MEI4: variants seen among roughly 807,000 people sequenced by gnomAD.
The protein encoded by MEI4 is meiosis-specific protein MEI4.
In MEI4, 27 loss-of-function variants were observed where a neutral mutation model predicts 31.4. The observed-to-expected ratio is 0.86, with a 90% confidence interval of 0.63 to 1.19. MEI4 has a LOEUF of 1.19. Ranked by LOEUF, MEI4 falls within the 50% of genes most tolerant of loss-of-function variation. MEI4 has a pLI of 0.00. For synonymous variants in MEI4, 122 were observed against 145.4 expected (o/e 0.84, Z 1.16); for missense variants, 329 against 398.9 (o/e 0.82, Z 1.49).
intron 2 of MEI4, among the ~76,000 whole-genome samples, chr6:77,732,503 G>C (rs1487945204): frequency 3.3e-5 from 5 of 151,710 alleles, no homozygotes; most frequent in African/African-American, 1.2e-4. Flanking sequence ...TGCTGAAGTT[G>C]CTTATCAGCT....
rs1265986376 is a variant in MEI4, at chr6:77,883,716, A to G, written c.901-39373A>G. On this transcript the variant is annotated intron_variant, in intron 4 of 4. Coordinates refer to ENST00000684080, the MANE Select transcript of MEI4 (RefSeq NM_001322247.2). ...ATATGCAATGAAATGCTATTATGTA[A>G]GATATATATATATATATATATATAT... Among the ~76,000 whole-genome samples, 7 of 121,152 alleles carry G rather than the reference A, an allele frequency of 5.8e-5. No homozygotes were observed. In the Admixed American group the frequency reaches 6.3e-4, roughly 11 times the overall value. 79.5% of individuals were successfully genotyped at this position (121,152 alleles called of 152,430 possible). A position where few individuals can be genotyped will look rare whatever the true frequency, so the allele number is the denominator to read the frequency against.
In MEI4 at chr6:77,761,419, C is replaced by T; in HGVS notation, c.522C>T (p.Thr174=). ...CAGGTAATCTTAAAAGAGACTTAAC[C>T]CACTTTGAAAAAGACTCTTCCACAG... ...TESGNLKRDL[T]HFEKDSSTVS... is the part of the protein sequence containing the mutation. The change falls in exon 3 of 5, where the codon ACC becomes ACT. Residue 174 remains threonine, a synonymous_variant. Coordinates refer to ENST00000684080, the MANE Select transcript of MEI4 (RefSeq NM_001322247.2). The T allele has an allele frequency of 8.1e-7, 1 of 1,232,066 alleles. No individual in the cohort carries two copies. The allele number at this position is 1,232,066 out of a possible 1,614,324, so 76.3% of individuals were successfully genotyped here.
intron 2 of MEI4, among the ~76,000 whole-genome samples, chr6:77,740,502 G>T (rs1014587894): frequency 1.3e-5 from 2 of 152,094 alleles, no homozygotes; most frequent in Non-Finnish European, 2.9e-5. Flanking sequence ...TATCCTTCTA[G>T]AGGCAGAAGT....
At chr6:77,835,502 C>T (rs1770199476) in intron 4 of MEI4, among the ~76,000 whole-genome samples, 1 of 150,662 alleles carries the variant, frequency 6.6e-6, no homozygotes, top group Non-Finnish European at 1.5e-5. Flanking sequence ...GAATGATACT[C>T]AATCTCATGG....
chr6:77,719,468 C>G lies in MEI4; in HGVS notation c.232+28565C>G. Among the ~76,000 whole-genome samples the G allele has an allele frequency of 4.0e-5, 2 of 49,430 alleles. 1 individual carries two copies. Among genetic ancestry groups the G allele is most frequent in the Non-Finnish European group, 7.4e-5 (2 of 27,094 alleles). 32.4% of individuals were successfully genotyped at this position (49,430 alleles called of 152,430 possible). On this transcript the variant is annotated intron_variant, in intron 2 of 4. Transcript: ENST00000684080. Reference sequence around the variant, plus strand: ...TAAACATCCTGGTGCTCTCCCTAGGCAAATAGGATAACGATACCCAATGGA... The same window carrying G: ...TAAACATCCTGGTGCTCTCCCTAGGGAAATAGGATAACGATACCCAATGGA...
intron 2 of MEI4, among the ~76,000 whole-genome samples, chr6:77,695,274 C>T (rs1278574663): frequency 1.3e-5 from 2 of 151,914 alleles, no homozygotes; most frequent in Admixed American, 1.3e-4. Flanking sequence ...TGAATTAGAT[C>T]CCATTTGTCA....
chr6:77,678,840 G>A (rs1456554360), intron 1 of MEI4, among the ~76,000 whole-genome samples: 1 of 152,100 alleles, frequency 6.6e-6, no homozygotes, highest in African/African-American at 2.4e-5. Flanking sequence ...CTTCCGGTGG[G>A]ACAAGATGTG....
At chr6:77,862,064 TAAA>T (rs11317423) in intron 4 of MEI4, among the ~76,000 whole-genome samples, 4 of 144,104 alleles carry the variant, frequency 2.8e-5, no homozygotes, top group African/African-American at 2.6e-5. Flanking sequence ...AGCAAAGAAT[TAAA>T]AAAAAAAAAA....
At chr6:77,780,662 C>G (rs558528013) in intron 3 of MEI4, among the ~76,000 whole-genome samples, 3 of 152,248 alleles carry the variant, frequency 2.0e-5, no homozygotes, top group African/African-American at 7.2e-5. Context: ...TATGTCTTCT[C>G]TATATCATGA....
At chr6:77,797,706 C>A (rs973796513) in intron 3 of MEI4, among the ~76,000 whole-genome samples, 1 of 152,080 alleles carries the variant, frequency 6.6e-6, no homozygotes, top group African/African-American at 2.4e-5. Context: ...AGTTGAAAGC[C>A]GGAAGACTCA....
At chr6:77,842,534 A>C (rs1770390831) in intron 4 of MEI4, among the ~76,000 whole-genome samples, 1 of 152,138 alleles carries the variant, frequency 6.6e-6, no homozygotes, top group South Asian at 2.1e-4. Context: ...TAATGAATAT[A>C]AGAGCATACA....
chr6:77,674,997 TC>T (rs1257245529), intron 1 of MEI4, among the ~76,000 whole-genome samples: 2 of 151,316 alleles, frequency 1.3e-5, no homozygotes, highest in Non-Finnish European at 2.9e-5. Flanking sequence ...TGTAACTAGT[TC>T]ATTTATTTTT....
At chr6:77,815,267 A>T (rs73760901) in intron 3 of MEI4, among the ~76,000 whole-genome samples, 53 of 152,070 alleles carry the variant, frequency 3.5e-4, no homozygotes, top group Non-Finnish European at 1.0e-4. Context: ...GATGTTAACA[A>T]ACTTAGGCAA....
intron 3 of MEI4, among the ~76,000 whole-genome samples, chr6:77,816,742 T>C (rs1769698474): frequency 6.6e-6 from 1 of 152,188 alleles, no homozygotes; most frequent in Non-Finnish European, 1.5e-5. Flanking sequence ...GAAAACCCAT[T>C]GTTGAACATA....
At chr6:77,905,855 T>C (rs2127736713) in intron 4 of MEI4, among the ~76,000 whole-genome samples, 1 of 151,644 alleles carries the variant, frequency 6.6e-6, no homozygotes, top group Non-Finnish European at 1.5e-5. Context: ...TTCTCTTCTT[T>C]AACTCATAAT....
intron 4 of MEI4, among the ~76,000 whole-genome samples, chr6:77,852,159 C>T (rs1439433379): frequency 6.6e-6 from 1 of 152,246 alleles, no homozygotes; most frequent in African/African-American, 2.4e-5. Flanking sequence ...CTTAGCTGAG[C>T]CTCAGCCTCT....
At chr6:77,657,227 T>A (rs1458134011) in intron 1 of MEI4, among the ~76,000 whole-genome samples, 1 of 152,212 alleles carries the variant, frequency 6.6e-6, no homozygotes, top group Non-Finnish European at 1.5e-5. Context: ...TCATTACTCA[T>A]TGATTAAAAA....
chr6:77,795,565 T>C (rs549457168), intron 3 of MEI4, among the ~76,000 whole-genome samples: 1 of 151,930 alleles, frequency 6.6e-6, no homozygotes, highest in Admixed American at 6.6e-5. Flanking sequence ...GAAAAAATAT[T>C]CAAATAGTAT....
intron 3 of MEI4, among the ~76,000 whole-genome samples, chr6:77,782,280 C>T (rs986610847): frequency 3.3e-5 from 5 of 152,056 alleles, no homozygotes; most frequent in Non-Finnish European, 7.4e-5. Flanking sequence ...GTAGATGAAT[C>T]TTCATTATCA....
Sources: gnomAD v4.1 joint callset for allele counts (sites outside exome capture counted in the v4.1 genomes callset) on GRCh38, gnomAD v4.1.1 for gene constraint, MANE v1.5 for transcripts, NCBI Gene and HGNC (gene_info 2026-07-23, HGNC 2026-07-21) for gene names.